The following HIVEP1 variants were observed in gnomAD, a reference collection of about 807,000 sequenced individuals.
HIVEP1 encodes zinc finger protein 40.
In HIVEP1, 36 loss-of-function variants were observed where a neutral mutation model predicts 180.0. The observed-to-expected ratio is 0.20, with a 90% CI of 0.15 to 0.26. The LOEUF is 0.26. Ranked by LOEUF, HIVEP1 falls within the 10% of genes least tolerant of loss-of-function variation. The pLI is 1.00. For synonymous variants in HIVEP1, 1,239 were observed against 1,239.0 expected, an observed-to-expected ratio of 1.00 and a Z score of 0.00; for missense variants, 3,143 against 3,268.7, an observed-to-expected ratio of 0.96 and a Z score of 0.94.
At chr6:12,141,147 C>T (rs1285007767) in intron 7 of HIVEP1, among the ~76,000 whole-genome samples, 4 of 152,250 alleles carry the variant, frequency 2.6e-5, no homozygotes, top group African/African-American at 9.6e-5. Context: ...CAAAGGGAAA[C>T]CCATCAGACT....
chr6:12,011,783 C>T (rs1258612996), upstream of HIVEP1, among the ~76,000 whole-genome samples: 1 of 148,380 alleles, frequency 6.7e-6, no homozygotes, highest in Non-Finnish European at 1.5e-5. Context: ...TCAGAGCTGG[C>T]GGCCGCGCCG....
Position 12,125,541 on chromosome 6 carries a change from C to T in HIVEP1, c.5746C>T (p.Pro1916Ser), listed in dbSNP as rs749399770. ...KVNIQEQSQQ[P>S]VTSLSLFNIK... ...GAACATCCAAGAGCAAAGTCAACAG[C>T]CAGTCACTTCTCTTTCATTGTTTAA... Residue 1916 changes from proline to serine, a missense_variant, in exon 4 of 9, where the codon CCA becomes TCA. Physicochemically the swap from Pro to Ser is moderately conservative, Grantham distance 74. This residue lies in a region of HIVEP1 where 1,357 missense variants were observed against 1,260.5 expected (regional missense o/e 1.08). Coordinates refer to ENST00000379388, the MANE Select transcript of HIVEP1 (RefSeq NM_002114.4). The T allele has an allele frequency of 1.2e-6, 2 of 1,614,096 alleles. No individual in the cohort carries two copies. Among genetic ancestry groups the T allele is most frequent in the South Asian group, 2.2e-5 (2 of 91,084 alleles).
In HIVEP1 at chr6:12,125,099, A is replaced by C; in HGVS notation, c.5304A>C (p.Glu1768Asp). 1 of 1,613,648 alleles carries C rather than the reference A, an allele frequency of 6.2e-7. No homozygotes were observed. The change falls in exon 4 of 9, where the codon GAA (glutamate) becomes GAC (aspartate). Residue 1768 changes from glutamate to aspartate, a missense_variant. This residue lies in a region of HIVEP1 where 1,357 missense variants were observed against 1,260.5 expected (regional missense o/e 1.08). Coordinates refer to ENST00000379388, the MANE Select transcript of HIVEP1 (RefSeq NM_002114.4). ...AGCACCAGAAGCGGGCCAAAGATGA[A>C]AATGGAGCTGTTTGTGCAACAGACG... The part of the protein sequence containing the change: ...MEKHQKRAKD[E>D]NGAVCATDVR...
At chr6:12,064,369 T>G (rs115809875) in intron 2 of HIVEP1, among the ~76,000 whole-genome samples, 1,782 of 152,300 alleles carry the variant, frequency 0.012, 38 homozygotes, top group African/African-American at 0.039. Context: ...CAGGCTGTTT[T>G]GGGAGCTATT....
chr6:12,045,636 A>G (rs1441431367), intron 2 of HIVEP1, among the ~76,000 whole-genome samples: 1 of 152,192 alleles, frequency 6.6e-6, no homozygotes, highest in Admixed American at 6.5e-5. Context: ...CTGCTATGTT[A>G]GGGAATGTTT....
chr6:12,108,155 C>T (rs969908286), intron 3 of HIVEP1, among the ~76,000 whole-genome samples: 1 of 151,940 alleles, frequency 6.6e-6, no homozygotes, highest in Non-Finnish European at 1.5e-5. Context: ...TAGCTAGATA[C>T]AGAGTGTCAA....
intron 7 of HIVEP1, among the ~76,000 whole-genome samples, chr6:12,160,402 C>T (rs79104560): frequency 6.6e-6 from 1 of 152,256 alleles, no homozygotes; most frequent in African/African-American, 2.4e-5. Flanking sequence ...TAGCATCTCT[C>T]TGAGTAAATA....
chr6:12,047,884 C>T (rs1770243843), intron 2 of HIVEP1, among the ~76,000 whole-genome samples: 1 of 152,156 alleles, frequency 6.6e-6, no homozygotes, highest in Non-Finnish European at 1.5e-5. Flanking sequence ...AATTTCAGAC[C>T]TTTGTTTTGG....
chr6:12,191,420 A>G, the HIVEP1 span, among the ~76,000 whole-genome samples: 63,796 of 151,734 alleles, frequency 0.42, 13,678 homozygotes, highest in East Asian at 0.54. Context: ...GGAGACCCCA[A>G]CTCTACAAAA....
intron 2 of HIVEP1, among the ~76,000 whole-genome samples, chr6:12,030,550 G>A (rs1007323892): frequency 1.3e-5 from 2 of 151,904 alleles, no homozygotes; most frequent in Non-Finnish European, 2.9e-5. Flanking sequence ...TCAGATTTGC[G>A]GTTGAGTCCC....
chr6:12,033,802 G>T (rs1223051495), intron 2 of HIVEP1, among the ~76,000 whole-genome samples: 1 of 152,154 alleles, frequency 6.6e-6, no homozygotes, highest in Non-Finnish European at 1.5e-5. Flanking sequence ...TTGTTCCTTG[G>T]AAACCTTCTT....
At chr6:12,014,849 G>T (rs1767632176) in intron 1 of HIVEP1, among the ~76,000 whole-genome samples, 1 of 152,216 alleles carries the variant, frequency 6.6e-6, no homozygotes, top group Non-Finnish European at 1.5e-5. Context: ...GGTGTTTCTG[G>T]CGTATGCTGT....
At chr6:12,071,308 C>T (rs968506195) in intron 2 of HIVEP1, among the ~76,000 whole-genome samples, 3 of 152,182 alleles carry the variant, frequency 2.0e-5, no homozygotes, top group Admixed American at 2.0e-4. Context: ...GGGGGGCTGG[C>T]ATTGCCATAC....
At chr6:12,077,515 C>T (rs1772447586) in intron 2 of HIVEP1, among the ~76,000 whole-genome samples, 1 of 152,132 alleles carries the variant, frequency 6.6e-6, no homozygotes, top group Non-Finnish European at 1.5e-5. Context: ...GAAGTGAGAG[C>T]TTCCTGAAGT....
At chr6:12,167,589 T>A (rs528252438), downstream of HIVEP1, among the ~76,000 whole-genome samples, 9 of 114,328 alleles carry the variant, frequency 7.9e-5, no homozygotes, top group Non-Finnish European at 3.8e-5. Flanking sequence ...TACGTTATAT[T>A]ACATGTATAT....
chr6:12,018,610 C>T (rs945908776), intron 2 of HIVEP1, among the ~76,000 whole-genome samples: 2 of 152,124 alleles, frequency 1.3e-5, no homozygotes, highest in East Asian at 3.8e-4. Context: ...ATTATTTTGT[C>T]CCCATTGTAG....
At chr6:12,145,257 C>CA (rs1759299817) in intron 7 of HIVEP1, among the ~76,000 whole-genome samples, 1 of 152,096 alleles carries the variant, frequency 6.6e-6, no homozygotes, top group African/African-American at 2.4e-5. Context: ...TCTGAGTAAA[C>CA]TGTCACAAGG....
chr6:12,129,516 T>C, intron 4 of HIVEP1: 1 of 591,900 alleles, frequency 1.7e-6, no homozygotes, highest in Non-Finnish European at 3.2e-6. Context: ...AAAGCCTTTA[T>C]TTGGGGGTGT....
intron 7 of HIVEP1, among the ~76,000 whole-genome samples, chr6:12,137,962 T>C (rs1758796305): frequency 6.6e-6 from 1 of 152,206 alleles, no homozygotes; most frequent in African/African-American, 2.4e-5. Flanking sequence ...TCACGTTCTT[T>C]TCACAAATTC....
Sources: gnomAD v4.1 joint callset for allele counts (sites outside exome capture counted in the v4.1 genomes callset) on GRCh38, gnomAD v4.1.1 for gene constraint, gnomAD v4.1.1 regional missense constraint, MANE v1.5 for transcripts, NCBI Gene and HGNC (gene_info 2026-07-23, HGNC 2026-07-21) for gene names.